The following PDE1C variants were observed in gnomAD, a reference collection of about 807,000 sequenced individuals.
The protein encoded by PDE1C is phosphodiesterase 1C, also known as dual specificity calcium/calmodulin-dependent 3',5'-cyclic nucleotide phosphodiesterase 1C.
PDE1C carries 62 observed loss-of-function variants against 93.1 expected under a neutral mutation model. The observed-to-expected ratio is 0.67, with a 90% CI of 0.54 to 0.82. The LOEUF (loss-of-function observed/expected upper bound fraction) is 0.82, where lower values mean the gene tolerates loss of function less well. Ranked by LOEUF, PDE1C falls within the 40% of genes least tolerant of loss-of-function variation. The probability of loss-of-function intolerance (pLI) is 0.00; values close to 1 mark genes in which losing one functional copy is unlikely to be tolerated. For synonymous variants in PDE1C, 325 were observed against 310.1 expected, an observed-to-expected ratio of 1.05 and a Z score of -0.50; for missense variants, 742 against 884.6, an observed-to-expected ratio of 0.84 and a Z score of 2.04.
intron 3 of PDE1C, among the ~76,000 whole-genome samples, chr7:32,147,259 A>AGAAG (rs1403193270): frequency 7.3e-4 from 65 of 88,682 alleles, no homozygotes; most frequent in African/African-American, 2.7e-3. Context: ...AAGAAAAGAA[A>AGAAG]GAAAGAAAGA....
chr7:31,802,989 A>G (rs1336467835), intron 16 of PDE1C, among the ~76,000 whole-genome samples: 1 of 151,762 alleles, frequency 6.6e-6, no homozygotes, highest in East Asian at 1.9e-4. Flanking sequence ...TGATTTTTCA[A>G]ATATTTTTCC....
intron 2 of PDE1C, among the ~76,000 whole-genome samples, chr7:31,890,097 T>C (rs896797754): frequency 6.6e-6 from 1 of 152,166 alleles, no homozygotes; most frequent in Non-Finnish European, 1.5e-5. Context: ...AGGATGTTAT[T>C]ATGAAAACCC....
intron 2 of PDE1C, among the ~76,000 whole-genome samples, chr7:31,912,006 T>G (rs1563019028): frequency 6.6e-6 from 1 of 152,180 alleles, no homozygotes; most frequent in Non-Finnish European, 1.5e-5. Context: ...TTGTGCTGCT[T>G]CAGGCAGGTG....
intron 1 of PDE1C, among the ~76,000 whole-genome samples, chr7:32,070,028 A>T (rs1795842289): frequency 1.3e-5 from 2 of 152,154 alleles, no homozygotes; most frequent in African/African-American, 4.8e-5. Context: ...GGGCCACCAT[A>T]ACTGACTCAT....
At chr7:32,325,904 C>A (rs186677052) in intron 1 of PDE1C, among the ~76,000 whole-genome samples, 1 of 152,262 alleles carries the variant, frequency 6.6e-6, no homozygotes, top group East Asian at 1.9e-4. Context: ...AAGAATAGAC[C>A]ATTTAAGAAA....
chr7:31,841,959 G>A (rs1443286603), intron 9 of PDE1C, among the ~76,000 whole-genome samples: 1 of 152,120 alleles, frequency 6.6e-6, no homozygotes, highest in African/African-American at 2.4e-5. Flanking sequence ...GAGGTGGTCA[G>A]CCTTTTTGTT....
At chr7:32,188,477 T>G (rs1286305716) in intron 2 of PDE1C, among the ~76,000 whole-genome samples, 1 of 152,182 alleles carries the variant, frequency 6.6e-6, no homozygotes, top group Admixed American at 6.5e-5. Context: ...TAACTTCTAA[T>G]CATTGATTAA....
intron 1 of PDE1C, among the ~76,000 whole-genome samples, chr7:32,347,710 A>C (rs690250): frequency 0.8 from 121,764 of 152,144 alleles, 49,091 homozygotes; most frequent in Admixed American, 0.85. Context: ...GATTTCAGAG[A>C]AGTCTTTATT....
intron 1 of PDE1C, among the ~76,000 whole-genome samples, chr7:32,215,618 C>G (rs1161715568): frequency 6.6e-6 from 1 of 152,162 alleles, no homozygotes. Context: ...CCCCAGACCA[C>G]CCAGGGGGCT....
intron 1 of PDE1C, among the ~76,000 whole-genome samples, chr7:32,305,595 G>A (rs1812978707): frequency 6.6e-6 from 1 of 152,242 alleles, no homozygotes; most frequent in African/African-American, 2.4e-5. Flanking sequence ...CCCTTGGGGT[G>A]TTAGGGGAGC....
At chr7:32,021,998 T>C (rs2190127) in intron 2 of PDE1C, among the ~76,000 whole-genome samples, 28,217 of 152,070 alleles carry the variant, frequency 0.19, 4,313 homozygotes, top group African/African-American at 0.41. Flanking sequence ...TCAGGAATTT[T>C]TTTTAATTCC....
chr7:32,022,082 C>A (rs1292864190), intron 2 of PDE1C, among the ~76,000 whole-genome samples: 1 of 151,664 alleles, frequency 6.6e-6, no homozygotes, highest in East Asian at 1.9e-4. Context: ...CTACTCAAAG[C>A]CCCTATTACA....
At chr7:32,198,739 A>G (rs1183783265) in intron 2 of PDE1C, among the ~76,000 whole-genome samples, 2 of 152,238 alleles carry the variant, frequency 1.3e-5, no homozygotes, top group African/African-American at 2.4e-5. Context: ...ACCAGAACTT[A>G]GTTACATGGT....
At chr7:32,207,233 C>G (rs778619546) in intron 2 of PDE1C, among the ~76,000 whole-genome samples, 2 of 152,054 alleles carry the variant, frequency 1.3e-5, no homozygotes, top group East Asian at 1.9e-4. Context: ...AGCACAGGCT[C>G]TGGCCACCCG....
intron 2 of PDE1C, among the ~76,000 whole-genome samples, chr7:32,044,662 G>T (rs1792282722): frequency 6.6e-6 from 1 of 152,032 alleles, no homozygotes; most frequent in African/African-American, 2.4e-5. Flanking sequence ...TAATGTGAAG[G>T]AAAAGCCCAC....
the PDE1C span, among the ~76,000 whole-genome samples, chr7:31,728,114 C>T: frequency 6.6e-6 from 1 of 152,146 alleles, no homozygotes; most frequent in Admixed American, 6.5e-5. Context: ...ATTATAGGGA[C>T]CCAACATGGG....
intron 2 of PDE1C, among the ~76,000 whole-genome samples, chr7:32,194,475 T>G (rs1172553354): frequency 6.6e-6 from 1 of 152,228 alleles, no homozygotes; most frequent in Non-Finnish European, 1.5e-5. Context: ...TTTCCAACTG[T>G]ATTGTTTGGT....
chr7:32,371,174 C>G (rs1397621359), intron 1 of PDE1C, among the ~76,000 whole-genome samples: 1 of 152,048 alleles, frequency 6.6e-6, no homozygotes, highest in Non-Finnish European at 1.5e-5. Flanking sequence ...TACCTATCTT[C>G]TCCCACCAAA....
At chr7:32,223,956 C>A (rs899167111) in intron 1 of PDE1C, among the ~76,000 whole-genome samples, 5 of 152,166 alleles carry the variant, frequency 3.3e-5, no homozygotes, top group Non-Finnish European at 7.3e-5. Context: ...ACTCCTCCCT[C>A]CCAGCACACA....
Sources: gnomAD v4.1 joint callset for allele counts (sites outside exome capture counted in the v4.1 genomes callset) on GRCh38, gnomAD v4.1.1 for gene constraint, MANE v1.5 for transcripts, NCBI Gene and HGNC (gene_info 2026-07-23, HGNC 2026-07-21) for gene names.